Variants in TEK observed in about 807,000 individuals in gnomAD.
TEK encodes TEK receptor tyrosine kinase, also known as angiopoietin-1 receptor.
In TEK, 43 loss-of-function variants were observed where a neutral mutation model predicts 131.8. The observed-to-expected ratio is 0.33, with a 90% CI of 0.26 to 0.42. TEK has a LOEUF of 0.42. TEK is among the 10% of genes least tolerant of loss of function. The pLI is 1.00. For missense variants in TEK, 1,162 were observed against 1,384.4 expected (o/e 0.84, Z 2.55); for synonymous variants, 580 against 491.6 (o/e 1.18, Z -2.38).
intron 1 of TEK, among the ~76,000 whole-genome samples, chr9:27,135,725 T>C (rs1822399969): frequency 6.7e-6 from 1 of 150,080 alleles, no homozygotes; most frequent in Admixed American, 6.7e-5. Context: ...CCAGGATGGC[T>C]TGAATCCCTG....
chr9:27,192,628 G>A lies in TEK; in HGVS notation c.1624+5G>A, dbSNP rs1296988727. The A allele has an allele frequency of 6.2e-6, 10 of 1,601,808 alleles. No homozygotes were observed. Among genetic ancestry groups the A allele is most frequent in the Admixed American group, 1.7e-5 (1 of 59,562 alleles). On this transcript the variant is annotated splice_donor_5th_base_variant and intron_variant, in intron 11 of 22. Coordinates refer to ENST00000380036, the MANE Select transcript of TEK (RefSeq NM_000459.5). ...GCTTCACAACAGCTTCTATCGGTCA[G>A]TGGAAGCCAACAGGCATTTATTCAT... is the stretch of plus-strand genomic sequence containing the variant.
Position 27,190,515 on chromosome 9 carries a change from G to A in TEK, c.1328-14G>A. ...AAGCCGAAGGACTAATCTGCCTTCTGAAATTGTATTTAGTTCTTCCAAAGC... is the reference window on the plus strand; with the variant it reads ...AAGCCGAAGGACTAATCTGCCTTCTAAAATTGTATTTAGTTCTTCCAAAGC... On this transcript the variant is annotated splice_polypyrimidine_tract_variant and intron_variant, in intron 9 of 22. Transcript: ENST00000380036. 6.2e-7 allele frequency: 1 copy of A among 1,613,860 alleles called. No homozygotes were observed. Among genetic ancestry groups the A allele is most frequent in the East Asian group, 2.2e-5 (1 of 44,878 alleles).
rs35005991 is a variant in TEK, at chr9:27,211,120, T to TA, written c.2687-1578dup. 2.4e-3 allele frequency among the ~76,000 whole-genome samples: 336 copies of TA among 137,156 alleles called. 2 individuals are homozygous for TA. The South Asian group carries it at 0.06, about 25-fold the overall frequency. 90.0% of individuals were successfully genotyped at this position (137,156 alleles called of 152,430 possible). The stretch of plus-strand genomic sequence containing the variant: ...CCAGGCGACAGAGAGAGACTCAGTT[T>TA]AAAAAAAAATATATATATATATGAA... On this transcript the variant is annotated intron_variant, in intron 16 of 22. Transcript: ENST00000380036.
intron 7 of TEK, 29 bp from the exon 8 acceptor site, chr9:27,183,430 G>C (rs1422174699): frequency 6.2e-7 from 1 of 1,610,234 alleles, no homozygotes; most frequent in South Asian, 1.1e-5. Flanking sequence ...TTAAATATTA[G>C]ATTTCACAGT....
intron 10 of TEK, 152 bp from the exon 11 acceptor site, chr9:27,192,337 G>A: frequency 1.2e-6 from 1 of 800,720 alleles, no homozygotes; most frequent in Non-Finnish European, 2.1e-6. Context: ...ATATTGGGAA[G>A]GATGAGGCCT....
intron 1 of TEK, among the ~76,000 whole-genome samples, chr9:27,122,006 AGTGGGT>A (rs1248170328): frequency 1.7e-4 from 26 of 152,230 alleles, no homozygotes; most frequent in Admixed American, 9.8e-4. Context: ...AAACCTGGAA[AGTGGGT>A]ATTTGTTAAT....
intron 1 of TEK, among the ~76,000 whole-genome samples, chr9:27,114,739 A>G (rs1182469157): frequency 6.6e-6 from 1 of 152,250 alleles, no homozygotes; most frequent in Non-Finnish European, 1.5e-5. Context: ...TAAAGTTGAA[A>G]GAAAGTTTCT....
At chr9:27,186,057 A>G (rs1824588449) in intron 9 of TEK, among the ~76,000 whole-genome samples, 1 of 152,178 alleles carries the variant, frequency 6.6e-6, no homozygotes, top group Non-Finnish European at 1.5e-5. Context: ...CTTCCTGTTC[A>G]TTATTGTAGA....
At chr9:27,127,467 A>G (rs1391288649) in intron 1 of TEK, among the ~76,000 whole-genome samples, 2 of 152,256 alleles carry the variant, frequency 1.3e-5, no homozygotes, top group Non-Finnish European at 2.9e-5. Context: ...AGAATGACTT[A>G]TAATCCTTTG....
At chr9:27,220,177 TC>T in intron 21 of TEK, 32 bp downstream of exon 21, 2 of 1,607,804 alleles carry the variant, frequency 1.2e-6, no homozygotes, top group Non-Finnish European at 1.7e-6. Flanking sequence ...GGCTATTTTG[TC>T]TTACCTTCCC....
chr9:27,191,739 TTTGCTGAA>T (rs927307869), intron 10 of TEK, among the ~76,000 whole-genome samples: 1 of 152,184 alleles, frequency 6.6e-6, no homozygotes, highest in Non-Finnish European at 1.5e-5. Context: ...GTCAGGCTGA[TTTGCTGAA>T]TTGCTGTTTC....
At chr9:27,174,465 A>G (rs544791291) in intron 6 of TEK, among the ~76,000 whole-genome samples, 1 of 152,240 alleles carries the variant, frequency 6.6e-6, no homozygotes, top group Non-Finnish European at 1.5e-5. Context: ...ATATGTTAAA[A>G]ACATTATCAG....
At chr9:27,130,877 AAAAAC>A (rs747493904) in intron 1 of TEK, among the ~76,000 whole-genome samples, 6 of 152,232 alleles carry the variant, frequency 3.9e-5, no homozygotes, top group South Asian at 4.1e-4. Context: ...AAGTACTTTA[AAAAAC>A]AAAACAAAAC....
chr9:27,170,401 G>C (rs927112050), intron 4 of TEK, among the ~76,000 whole-genome samples: 1 of 152,132 alleles, frequency 6.6e-6, no homozygotes, highest in African/African-American at 2.4e-5. Flanking sequence ...CACTTTGAGA[G>C]GCCCTTTGAG....
At chr9:27,117,231 G>T (rs1270644968) in intron 1 of TEK, among the ~76,000 whole-genome samples, 1 of 152,174 alleles carries the variant, frequency 6.6e-6, no homozygotes, top group East Asian at 1.9e-4. Context: ...CCTGACACTG[G>T]AGCACCAGCC....
intron 1 of TEK, among the ~76,000 whole-genome samples, chr9:27,112,739 C>T (rs976494329): frequency 9.9e-5 from 15 of 152,134 alleles, no homozygotes; most frequent in African/African-American, 2.9e-4. Flanking sequence ...CTCACAGAAT[C>T]AGGATTTAAA....
intron 1 of TEK, among the ~76,000 whole-genome samples, chr9:27,137,564 CTT>C (rs1291732850): frequency 6.6e-6 from 1 of 152,056 alleles, no homozygotes; most frequent in African/African-American, 2.4e-5. Flanking sequence ...AGGCTTTTTA[CTT>C]TTTGAGTTCA....
At chr9:27,199,730 GTCTT>G (rs1287612344) in intron 12 of TEK, among the ~76,000 whole-genome samples, 7 of 152,094 alleles carry the variant, frequency 4.6e-5, no homozygotes, top group African/African-American at 1.7e-4. Flanking sequence ...GGAATAGGTT[GTCTT>G]TCTTACTGAT....
At chr9:27,214,934 T>C (rs1325377411) in intron 18 of TEK, among the ~76,000 whole-genome samples, 3 of 152,154 alleles carry the variant, frequency 2.0e-5, no homozygotes, top group Non-Finnish European at 4.4e-5. Flanking sequence ...GCTTGTTTTC[T>C]TAAAGAAGCA....
Sources: allele counts gnomAD v4.1 joint callset (sites outside exome capture counted in the v4.1 genomes callset), GRCh38; gene constraint gnomAD v4.1.1; transcripts MANE v1.5; gene names NCBI Gene and HGNC (gene_info 2026-07-23, HGNC 2026-07-21).